FAM186A: variants seen among roughly 807,000 people sequenced by gnomAD.
The protein encoded by FAM186A is family with sequence similarity 186 member A.
Under a neutral mutation model 216.8 loss-of-function variants are expected in FAM186A, and 163 were observed. The observed-to-expected ratio is 0.75, with a 90% CI of 0.66 to 0.86. FAM186A has a LOEUF of 0.86. FAM186A is among the 40% of genes least tolerant of loss of function. The pLI, the probability that FAM186A is intolerant of heterozygous loss-of-function variation, is 0.00. For synonymous variants in FAM186A, 805 were observed against 1,025.3 expected (o/e 0.79, Z 4.10); for missense variants, 2,184 against 2,746.2 (o/e 0.80, Z 4.58).
chr12:50,361,391 G>T (rs1235590971), intron 2 of FAM186A, among the ~76,000 whole-genome samples: 1 of 151,810 alleles, frequency 6.6e-6, no homozygotes, highest in Non-Finnish European at 1.5e-5. Flanking sequence ...TAAAGACGGG[G>T]TTTCACCATG....
chr12:50,377,497 C>T (rs1430690707), intron 1 of FAM186A, among the ~76,000 whole-genome samples: 1 of 151,864 alleles, frequency 6.6e-6, no homozygotes, highest in East Asian at 1.9e-4. Flanking sequence ...TGGGTTAAGG[C>T]AATGATTTCT....
At chr12:50,377,469 T>C (rs1277259428) in intron 1 of FAM186A, among the ~76,000 whole-genome samples, 1 of 18,752 alleles carries the variant, frequency 5.3e-5, no homozygotes, top group Non-Finnish European at 2.1e-4. Flanking sequence ...GAAGAAAACA[T>C]GGGAGAAAAT....
chr12:50,327,540 C>CTTTTT (rs781530836), intron 7 of FAM186A, 136 bp from the exon 8 acceptor site: 9 of 476,080 alleles, frequency 1.9e-5, no homozygotes, highest in African/African-American at 1.8e-4. Context: ...GTATGTAATC[C>CTTTTT]TTTTTTTTTT....
intron 1 of FAM186A, among the ~76,000 whole-genome samples, chr12:50,391,933 T>C (rs937923515): frequency 6.6e-6 from 1 of 152,082 alleles, no homozygotes; most frequent in African/African-American, 2.4e-5. Flanking sequence ...AAACAGCCCA[T>C]GCCATGCCAT....
chr12:50,374,192 C>T (rs2136102547), intron 1 of FAM186A, among the ~76,000 whole-genome samples: 3 of 150,544 alleles, frequency 2.0e-5, no homozygotes, highest in East Asian at 2.0e-4. Flanking sequence ...GGGAGATACA[C>T]CTAATGCTAG....
At chr12:50,395,921 C>T (rs767375351) in intron 1 of FAM186A, among the ~76,000 whole-genome samples, 3 of 151,988 alleles carry the variant, frequency 2.0e-5, no homozygotes, top group Admixed American at 6.6e-5. Context: ...GCAATCATGC[C>T]CAGCTAACTT....
chr12:50,334,164 G>C, intron 4 of FAM186A, 61 bp from the exon 5 acceptor site: 1 of 1,326,218 alleles, frequency 7.5e-7, no homozygotes, highest in Non-Finnish European at 1.0e-6. Context: ...CAACAAACTT[G>C]TCCTCAGTTT....
chr12:50,330,933 G>T (rs1186633991), intron 6 of FAM186A, among the ~76,000 whole-genome samples, 175 bp from the exon 7 acceptor site: 1 of 152,070 alleles, frequency 6.6e-6, no homozygotes, highest in Non-Finnish European at 1.5e-5. Flanking sequence ...AGCAGAATTC[G>T]CTGAGTTACC....
intron 4 of FAM186A, among the ~76,000 whole-genome samples, chr12:50,343,704 C>T (rs1441727395): frequency 6.6e-6 from 1 of 152,176 alleles, no homozygotes; most frequent in Non-Finnish European, 1.5e-5. Flanking sequence ...CTGCAACCTC[C>T]ACCTCCCGGG....
intron 1 of FAM186A, among the ~76,000 whole-genome samples, chr12:50,374,711 G>T (rs751866700): frequency 6.6e-6 from 1 of 152,130 alleles, no homozygotes; most frequent in African/African-American, 2.4e-5. Context: ...AATGGTAAAC[G>T]TCTCAAGTGC....
intron 5 of FAM186A, among the ~76,000 whole-genome samples, chr12:50,332,841 A>G (rs1249092577): frequency 2.6e-5 from 4 of 152,080 alleles, no homozygotes; most frequent in Admixed American, 1.3e-4. Flanking sequence ...CAGCCTGGCC[A>G]ACATGGTGAA....
At chr12:50,374,907 G>C (rs922257524) in intron 1 of FAM186A, among the ~76,000 whole-genome samples, 3 of 152,234 alleles carry the variant, frequency 2.0e-5, no homozygotes, top group Non-Finnish European at 1.5e-5. Flanking sequence ...GCCAGGAGCA[G>C]TGTCTCACAC....
intron 1 of FAM186A, among the ~76,000 whole-genome samples, chr12:50,375,283 C>T (rs879446872): frequency 2.0e-5 from 3 of 152,094 alleles, no homozygotes; most frequent in Admixed American, 1.3e-4. Context: ...TGTGGTGGCT[C>T]ATGCCTGTAA....
In FAM186A at chr12:50,364,429, G is replaced by T. The variant is rs571285682; in HGVS notation, c.193-1065C>A. 2.6e-5 allele frequency among the ~76,000 whole-genome samples: 4 copies of T among 151,762 alleles called. No homozygotes were observed. The East Asian group carries it at 7.8e-4, about 29-fold the overall frequency. ...AAAAATTAGCTGGGCGTGGTGGCGG[G>T]TGCCTGTAGTCCCAGCTACTGGGGA... On this transcript the variant is annotated intron_variant, in intron 1 of 7. Transcript: ENST00000327337.
chr12:50,354,723 T>C lies in FAM186A; in HGVS notation c.2109A>G (p.Leu703=), dbSNP rs1164449089. 6.5e-7 allele frequency: 1 copy of C among 1,548,266 alleles called. No individual in the cohort carries two copies. Among genetic ancestry groups the C allele is most frequent in the Non-Finnish European group, 8.7e-7 (1 of 1,146,436 alleles). The change falls in exon 4 of 8, where the codon TTA becomes TTG. Residue 703 remains leucine, a synonymous_variant. Transcript: ENST00000327337. ...CTAATTTTTCAGCTTCTGCTCTTTT[T>C]AATAACTCCTCTTCCTTCGGAACAG... The part of the protein sequence containing the change: ...KKTVPKEEEL[L]KRAEAEKLGI...
At chr12:50,384,678 C>A (rs1281802508) in intron 1 of FAM186A, among the ~76,000 whole-genome samples, 1 of 151,870 alleles carries the variant, frequency 6.6e-6, no homozygotes, top group Non-Finnish European at 1.5e-5. Context: ...AGCAAAGATG[C>A]CAAAAACAAT....
rs1183905041 is a variant in FAM186A, at chr12:50,353,870, T to A, written c.2962A>T (p.Met988Leu). ...LERQIKTKDQMQMKETQPKEL... is the reference protein window; with the variant it reads ...LERQIKTKDQLQMKETQPKEL... The stretch of plus-strand genomic sequence containing the variant: ...TTAGGTTGTGTTTCCTTCATCTGCA[T>A]CTGATCCTTTGTTTTGATCTGCCTT... The change falls in exon 4 of 8, where the codon ATG (methionine) becomes TTG (leucine). Residue 988 changes from methionine to leucine, a missense_variant. Around this residue, in one of 7 missense-constraint regions of FAM186A, gnomAD observed 1,132 missense variants for 1,263.4 expected, o/e 0.90. Coordinates refer to ENST00000327337, the MANE Select transcript of FAM186A (RefSeq NM_001145475.3). 1 of 1,551,876 alleles carries A rather than the reference T, an allele frequency of 6.4e-7. No homozygotes were observed.
chr12:50,328,499 T>TTTTATTTTTTATTTTAC (rs1413954940), intron 7 of FAM186A, among the ~76,000 whole-genome samples: 2 of 151,104 alleles, frequency 1.3e-5, no homozygotes, highest in African/African-American at 4.9e-5. Flanking sequence ...ATATAGTAGG[T>TTTTATTTTTTATTTTAC]TTTATTTTTT....
chr12:50,371,125 A>T (rs1565892414), intron 1 of FAM186A, among the ~76,000 whole-genome samples: 1 of 148,756 alleles, frequency 6.7e-6, no homozygotes, highest in African/African-American at 2.5e-5. Flanking sequence ...ATTCAATTTA[A>T]TTTTTTTTTT....
Sources: gnomAD v4.1 joint callset for allele counts (sites outside exome capture counted in the v4.1 genomes callset) on GRCh38, gnomAD v4.1.1 for gene constraint, gnomAD v4.1.1 regional missense constraint, MANE v1.5 for transcripts, NCBI Gene and HGNC (gene_info 2026-07-23, HGNC 2026-07-21) for gene names.